The following RNF17 variants were observed in gnomAD, a reference collection of about 807,000 sequenced individuals.
The protein encoded by RNF17 is spermatogenesis associated 23.
RNF17 carries 31 observed loss-of-function variants against 200.5 expected under a neutral mutation model. The observed-to-expected ratio is 0.15, with a 90% CI of 0.12 to 0.21. The LOEUF is 0.21. Ranked by LOEUF, RNF17 falls within the 10% of genes least tolerant of loss-of-function variation. RNF17 has a pLI of 1.00. For missense variants in RNF17, 1,628 were observed against 1,905.1 expected, an observed-to-expected ratio of 0.85 and a Z score of 2.71; for synonymous variants, 606 against 637.8, an observed-to-expected ratio of 0.95 and a Z score of 0.75.
At chr13:24,826,150 A>G in intron 16 of RNF17, 1 of 928,714 alleles carries the variant, frequency 1.1e-6, no homozygotes, top group African/African-American at 1.8e-5. Flanking sequence ...CTTCAATTTT[A>G]ATATATTCTT....
chr13:24,818,450 G>A (rs1374382772), intron 15 of RNF17, among the ~76,000 whole-genome samples: 1 of 152,070 alleles, frequency 6.6e-6, no homozygotes, highest in African/African-American at 2.4e-5. Flanking sequence ...ACTCTGTCTG[G>A]ATGTTTTATG....
upstream of RNF17, chr13:24,764,101 C>T (rs1370528121): frequency 2.6e-6 from 3 of 1,135,466 alleles, no homozygotes; most frequent in African/African-American, 3.1e-5. Context: ...TCTCCCGGCC[C>T]ACTGTTTGGC....
At chr13:24,804,472 T>C in intron 15 of RNF17, 43 bp downstream of exon 15, 3 of 1,461,322 alleles carry the variant, frequency 2.1e-6, no homozygotes, top group Non-Finnish European at 2.8e-6. Context: ...TTTAAAAAAA[T>C]TTTAATTAGA....
chr13:24,786,215 G>A (rs1354178335), intron 6 of RNF17, among the ~76,000 whole-genome samples: 1 of 151,960 alleles, frequency 6.6e-6, no homozygotes, highest in East Asian at 1.9e-4. Flanking sequence ...TTACCCATAA[G>A]GATTACATAT....
intron 14 of RNF17, 117 bp downstream of exon 14, chr13:24,802,688 G>A: frequency 4.4e-6 from 3 of 681,982 alleles, no homozygotes; most frequent in Non-Finnish European, 7.2e-6. Flanking sequence ...CTGAAGAAGT[G>A]AAAAATATTG....
At chr13:24,755,438 G>T in the RNF17 span, among the ~76,000 whole-genome samples, 1 of 152,056 alleles carries the variant, frequency 6.6e-6, no homozygotes, top group African/African-American at 2.4e-5. Context: ...CATATGAATT[G>T]TTCAATATTT....
At chr13:24,773,745 T>C (rs1344015791) in intron 2 of RNF17, among the ~76,000 whole-genome samples, 2 of 152,226 alleles carry the variant, frequency 1.3e-5, no homozygotes, top group Non-Finnish European at 2.9e-5. Context: ...TATCCTTTAA[T>C]TGACTGAGTG....
At chr13:24,784,416 T>C (rs756702086) in intron 6 of RNF17, among the ~76,000 whole-genome samples, 1 of 152,214 alleles carries the variant, frequency 6.6e-6, no homozygotes, top group Non-Finnish European at 1.5e-5. Context: ...TTGAGGAGGA[T>C]TGGTGTTGAT....
the RNF17 span, chr13:24,752,234 C>T: frequency 6.5e-6 from 1 of 154,250 alleles, no homozygotes; most frequent in African/African-American, 2.6e-5. Context: ...AAAGGCATCC[C>T]ATTTTGTTTA....
At chr13:24,804,633 T>C (rs1239298826) in intron 15 of RNF17, among the ~76,000 whole-genome samples, 4 of 152,192 alleles carry the variant, frequency 2.6e-5, no homozygotes, top group African/African-American at 9.6e-5. Flanking sequence ...GAAGGATAAT[T>C]AATGTATAAA....
chr13:24,840,822 C>A (rs1161746003), intron 18 of RNF17, among the ~76,000 whole-genome samples: 7 of 152,120 alleles, frequency 4.6e-5, no homozygotes, highest in Admixed American at 1.3e-4. Flanking sequence ...CAAAATCTCA[C>A]AAGTCACCGC....
At chr13:24,844,076 A>G (rs1227217693) in intron 20 of RNF17, 105 bp downstream of exon 20, 1 of 400,560 alleles carries the variant, frequency 2.5e-6, no homozygotes, top group African/African-American at 2.1e-5. Flanking sequence ...TACTAGCAAA[A>G]TTATTTTAAC....
chr13:24,862,823 A>G, intron 28 of RNF17, 30 bp downstream of exon 28: 1 of 1,214,884 alleles, frequency 8.2e-7, no homozygotes, highest in Non-Finnish European at 1.2e-6. Context: ...GTTGTTATAA[A>G]TTACTTGCCA....
intron 28 of RNF17, among the ~76,000 whole-genome samples, chr13:24,863,940 T>C (rs1260515513): frequency 6.6e-6 from 1 of 152,186 alleles, no homozygotes; most frequent in Non-Finnish European, 1.5e-5. Context: ...TAGCCTCTGC[T>C]CTAGGCCTGG....
At chr13:24,813,046 G>T (rs554959649) in intron 15 of RNF17, among the ~76,000 whole-genome samples, 1 of 152,222 alleles carries the variant, frequency 6.6e-6, no homozygotes, top group East Asian at 1.9e-4. Context: ...TTCCCTAATG[G>T]CCAGTGATAC....
chr13:24,789,833 G>A (rs1883624139), intron 9 of RNF17, 61 bp downstream of exon 9: 2 of 925,272 alleles, frequency 2.2e-6, no homozygotes, highest in East Asian at 4.8e-5. Context: ...CATTATCTAA[G>A]AGACAGAAGA....
chr13:24,877,078 A>G lies in RNF17; in HGVS notation c.4665A>G (p.Leu1555=), dbSNP rs1894940618. The G allele has an allele frequency of 2.5e-6, 4 of 1,613,522 alleles. No individual in the cohort carries two copies. The East Asian group carries it at 8.9e-5, about 36-fold the overall frequency. Residue 1555 remains leucine, a synonymous_variant, in exon 34 of 36, where the codon TTA becomes TTG. Transcript: ENST00000255324. ...TCTTGGCAGGGTTTAAACCTCCCTT[A>G]AGGGATCTAGGGGAGACAAGAATAC... ...KVLLAGFKPP[L]RDLGETRIPY... is the part of the protein sequence containing the mutation.
At chr13:24,779,630 A>G in intron 4 of RNF17, 37 bp from the exon 5 acceptor site, 1 of 1,501,270 alleles carries the variant, frequency 6.7e-7, no homozygotes. Context: ...TCTGTTTTTT[A>G]GTTTTATATT....
intron 15 of RNF17, among the ~76,000 whole-genome samples, chr13:24,807,786 G>A (rs1203048380): frequency 2.9e-4 from 44 of 152,000 alleles, no homozygotes; most frequent in East Asian, 2.3e-3. Flanking sequence ...TAGGTCTAAC[G>A]TTTAAGTCTT....
Sources: allele counts gnomAD v4.1 joint callset (sites outside exome capture counted in the v4.1 genomes callset), GRCh38; gene constraint gnomAD v4.1.1; transcripts MANE v1.5; gene names NCBI Gene and HGNC (gene_info 2026-07-23, HGNC 2026-07-21).